The following ME3 variants were observed in gnomAD, a reference collection of about 807,000 sequenced individuals.
The protein encoded by ME3 is NADP-dependent malic enzyme, mitochondrial.
A neutral mutation model predicts 68.9 loss-of-function variants in ME3; 48 were observed. That is an observed-to-expected ratio of 0.70 (90% confidence interval 0.55 to 0.89). The LOEUF is 0.89. Among genes scored for constraint, ME3 ranks in the 40% least tolerant of loss-of-function variants. The probability of loss-of-function intolerance (pLI) is 0.00; values close to 1 mark genes in which losing one functional copy is unlikely to be tolerated. For synonymous variants in ME3, 320 were observed against 318.8 expected, an observed-to-expected ratio of 1.00 and a Z score of -0.04; for missense variants, 675 against 797.4, an observed-to-expected ratio of 0.85 and a Z score of 1.85.
intron 8 of ME3, among the ~76,000 whole-genome samples, chr11:86,451,129 G>T (rs892206762): frequency 1.3e-5 from 2 of 152,254 alleles, no homozygotes; most frequent in African/African-American, 4.8e-5. Context: ...GTGAAGGACA[G>T]TGGACATGAC....
chr11:86,458,216 C>G (rs987909200), intron 8 of ME3, among the ~76,000 whole-genome samples: 2 of 152,204 alleles, frequency 1.3e-5, no homozygotes, highest in African/African-American at 2.4e-5. Context: ...TGGGCTAGGC[C>G]TTGAATAAAT....
exon 6 of ME3, chr11:86,497,966 A>T: frequency 6.3e-7 from 1 of 1,599,696 alleles, no homozygotes; most frequent in Non-Finnish European, 8.5e-7. Context: ...GGGTTACCTC[A>T]TTGTTGGTGC....
intron 2 of ME3, among the ~76,000 whole-genome samples, chr11:86,634,565 C>T (rs949273527): frequency 6.6e-6 from 1 of 152,098 alleles, no homozygotes. Context: ...GAAAATTATC[C>T]AAAAAACAAA....
intron 4 of ME3, among the ~76,000 whole-genome samples, chr11:86,516,235 A>C (rs1307478798): frequency 6.6e-6 from 1 of 152,194 alleles, no homozygotes; most frequent in Non-Finnish European, 1.5e-5. Context: ...TGAGGGATGG[A>C]AAAATATATG....
At chr11:86,531,585 A>T (rs1251740480) in intron 4 of ME3, among the ~76,000 whole-genome samples, 1 of 152,194 alleles carries the variant, frequency 6.6e-6, no homozygotes, top group Non-Finnish European at 1.5e-5. Context: ...AATAGCAAAG[A>T]CTTGGAACCA....
At chr11:86,566,934 G>C (rs1456738017) in intron 2 of ME3, among the ~76,000 whole-genome samples, 2 of 151,996 alleles carry the variant, frequency 1.3e-5, no homozygotes, top group African/African-American at 2.4e-5. Context: ...AAAAAGAAGA[G>C]TGGCCAGGCG....
chr11:86,658,800 C>T (rs1946089062), intron 2 of ME3, among the ~76,000 whole-genome samples: 1 of 152,138 alleles, frequency 6.6e-6, no homozygotes, highest in African/African-American at 2.4e-5. Context: ...AAGCTGCTGC[C>T]AGCTCTGGGA....
chr11:86,467,712 C>CACACACA (rs1471970486), intron 7 of ME3, among the ~76,000 whole-genome samples: 235 of 150,824 alleles, frequency 1.6e-3, no homozygotes, highest in South Asian at 4.1e-3. Flanking sequence ...CACACACACA[C>CACACACA]CCCTTTAAGC....
intron 4 of ME3, among the ~76,000 whole-genome samples, chr11:86,541,250 T>G (rs1482774486): frequency 2.0e-5 from 3 of 152,118 alleles, no homozygotes. Context: ...AGGTGTTTTT[T>G]TTTTCATACC....
At chr11:86,563,247 CT>C (rs1348666928) in intron 2 of ME3, among the ~76,000 whole-genome samples, 3 of 152,142 alleles carry the variant, frequency 2.0e-5, no homozygotes, top group African/African-American at 7.2e-5. Context: ...CTCTGGGCTG[CT>C]TTCCGTAGTG....
rs370956669 is a variant in ME3, at chr11:86,521,434, T to A, written c.468-12567A>T. Among the ~76,000 whole-genome samples, 68 of 107,452 alleles carry A rather than the reference T, an allele frequency of 6.3e-4. 1 individual carries two copies. The highest frequency in any genetic ancestry group is 2.1e-3 in the African/African-American group (58 of 26,994). 70.5% of individuals were successfully genotyped at this position (107,452 alleles called of 152,430 possible). A position where few individuals can be genotyped will look rare whatever the true frequency, so the allele number is the denominator to read the frequency against. ...AAAACAAAACAAAACAAAACAAAAATAATAATAATAATAATAATAAAAAAA... is the reference window on the plus strand; with the variant it reads ...AAAACAAAACAAAACAAAACAAAAAAAATAATAATAATAATAATAAAAAAA... On this transcript the variant is annotated intron_variant, in intron 4 of 14. Coordinates refer to ENST00000543262, the Ensembl canonical transcript of ME3.
chr11:86,556,435 G>A, intron 4 of ME3, 118 bp downstream of exon 4: 1 of 1,222,908 alleles, frequency 8.2e-7, no homozygotes, highest in Non-Finnish European at 1.1e-6. Context: ...TCTTTTTGTT[G>A]GACCACTGAC....
chr11:86,487,573 C>T (rs1030267857), intron 6 of ME3, 133 bp from the exon 7 acceptor site: 9 of 669,214 alleles, frequency 1.3e-5, no homozygotes, highest in African/African-American at 7.2e-5. Context: ...GTAACTGGAT[C>T]CCCCCCGCCC....
At chr11:86,639,964 A>G (rs1299757839) in intron 2 of ME3, among the ~76,000 whole-genome samples, 1 of 152,198 alleles carries the variant, frequency 6.6e-6, no homozygotes, top group Non-Finnish European at 1.5e-5. Flanking sequence ...ACCTCTGGGC[A>G]TGTGATCTCA....
At chr11:86,592,035 A>T (rs1005734146) in intron 2 of ME3, among the ~76,000 whole-genome samples, 8 of 152,330 alleles carry the variant, frequency 5.3e-5, no homozygotes, top group African/African-American at 1.9e-4. Context: ...ACTTCCTATG[A>T]AGAAAATCTC....
At chr11:86,530,026 A>T (rs556114255) in intron 4 of ME3, among the ~76,000 whole-genome samples, 1 of 152,186 alleles carries the variant, frequency 6.6e-6, no homozygotes, top group African/African-American at 2.4e-5. Context: ...AGGAGAAGGA[A>T]ATAAAGGGTA....
At chr11:86,443,621 G>A (rs1334709207) in intron 13 of ME3, among the ~76,000 whole-genome samples, 1 of 152,192 alleles carries the variant, frequency 6.6e-6, no homozygotes, top group Non-Finnish European at 1.5e-5. Context: ...TACTCCCACT[G>A]AGGCTTCTGG....
chr11:86,570,683 G>C (rs1000409339), intron 2 of ME3, among the ~76,000 whole-genome samples: 1 of 152,142 alleles, frequency 6.6e-6, no homozygotes, highest in Non-Finnish European at 1.5e-5. Context: ...GCTCATTACC[G>C]CCCAGAACCA....
chr11:86,658,281 C>G (rs1465705308), intron 2 of ME3, among the ~76,000 whole-genome samples: 1 of 151,952 alleles, frequency 6.6e-6, no homozygotes, highest in East Asian at 1.9e-4. Context: ...GCGTCACCAG[C>G]CCAGCTAATT....
Sources: gnomAD v4.1 joint callset for allele counts (sites outside exome capture counted in the v4.1 genomes callset) on GRCh38, gnomAD v4.1.1 for gene constraint, MANE v1.5 for transcripts, NCBI Gene and HGNC (gene_info 2026-07-23, HGNC 2026-07-21) for gene names.